The following CNKSR2 variants were observed in gnomAD, a reference collection of about 807,000 sequenced individuals.
The protein encoded by CNKSR2 is connector enhancer of kinase suppressor of Ras 2.
In CNKSR2, 14 loss-of-function variants were observed where a neutral mutation model predicts 84.4. The ratio of observed to expected loss-of-function variants is 0.17; its 90% confidence interval spans 0.11 to 0.26. CNKSR2 has a LOEUF of 0.26. Ranked by LOEUF, CNKSR2 falls within the 10% of genes least tolerant of loss-of-function variation. The probability of loss-of-function intolerance (pLI) is 1.00; values close to 1 mark genes in which losing one functional copy is unlikely to be tolerated. For missense variants in CNKSR2, 485 were observed against 771.2 expected, an observed-to-expected ratio of 0.63 and a Z score of 4.40; for synonymous variants, 275 against 277.9, an observed-to-expected ratio of 0.99 and a Z score of 0.10.
In CNKSR2 at chrX:21,601,808, A is replaced by G. The variant is rs191242923; in HGVS notation, c.2044+459A>G. ...CTGTGTAACTCTGTGATCTTATGGAATTTGCCTTGGTATTGACCTCAGATT... is the reference window on the plus strand; with the variant it reads ...CTGTGTAACTCTGTGATCTTATGGAGTTTGCCTTGGTATTGACCTCAGATT... On this transcript the variant is annotated intron_variant, in intron 18 of 21. Transcript: ENST00000379510. Among the ~76,000 whole-genome samples the G allele has an allele frequency of 1.2e-4, 13 of 111,918 alleles. No individual in the cohort carries two copies. The Admixed American group carries it at 1.2e-3, about 11-fold the overall frequency.
chrX:21,404,315 G>A (rs746670817), intron 1 of CNKSR2, among the ~76,000 whole-genome samples: 3 of 111,137 alleles, frequency 2.7e-5, no homozygotes, highest in East Asian at 5.7e-4. Context: ...TTAACAGGAC[G>A]ATATTTAAAA....
intron 13 of CNKSR2, among the ~76,000 whole-genome samples, chrX:21,579,905 A>T (rs1601975923): frequency 8.9e-6 from 1 of 111,867 alleles, no homozygotes; most frequent in East Asian, 2.8e-4. Flanking sequence ...GCCCTCCAGA[A>T]ATTTAATTTT....
At chrX:21,423,839 G>T (rs1022655794) in intron 1 of CNKSR2, 5 of 110,530 alleles carry the variant, frequency 4.5e-5, no homozygotes, top group Non-Finnish European at 1.9e-5. Flanking sequence ...TTTTCTGGTA[G>T]GTCTAGAAGA....
chrX:21,498,405 A>T (rs1327372679), intron 7 of CNKSR2, among the ~76,000 whole-genome samples: 1 of 111,507 alleles, frequency 9.0e-6, no homozygotes, highest in South Asian at 3.8e-4. Context: ...TTAATAAGAG[A>T]TTCTATTTTA....
chrX:21,539,601 T>G (rs2091959250), intron 11 of CNKSR2, among the ~76,000 whole-genome samples: 1 of 111,353 alleles, frequency 9.0e-6, no homozygotes, highest in South Asian at 3.7e-4. Flanking sequence ...CATTGATATC[T>G]GTGCATCTGG....
intron 9 of CNKSR2, among the ~76,000 whole-genome samples, chrX:21,524,107 G>C (rs916250325): frequency 9.1e-6 from 1 of 110,210 alleles, no homozygotes; most frequent in Admixed American, 9.7e-5. Context: ...TTGTTAAAAA[G>C]AGCACAGTTA....
rs1255465862 is a variant in CNKSR2, at chrX:21,374,583, G to T, written c.-315G>T. On this transcript the variant is annotated 5_prime_UTR_variant, in exon 1 of 22. Transcript: ENST00000379510. ...GCTCCCTAGGGACGGAGACCGGAGC[G>T]GAGCGGCGGAGGCAGCAGCAGCAGC... The T allele has an allele frequency of 1.0e-5, 5 of 492,216 alleles. No individual in the cohort carries two copies. The highest frequency in any genetic ancestry group is 1.8e-5 in the Non-Finnish European group (5 of 281,993). The allele number at this position is 492,216 out of a possible 1,213,427, so 40.6% of individuals were successfully genotyped here.
At chrX:21,595,289 A>T in intron 16 of CNKSR2, 35 bp from the exon 17 acceptor site, 6 of 1,061,067 alleles carry the variant, frequency 5.7e-6, no homozygotes, top group Non-Finnish European at 6.5e-6. Context: ...CTTATTTCCC[A>T]ATTTGTAATA....
intron 1 of CNKSR2, among the ~76,000 whole-genome samples, chrX:21,418,384 G>A (rs767078502): frequency 1.8e-5 from 2 of 111,761 alleles, no homozygotes; most frequent in East Asian, 5.6e-4. Context: ...ACTATTGCCA[G>A]TAAGTTTTTT....
intron 20 of CNKSR2, among the ~76,000 whole-genome samples, chrX:21,647,738 T>G (rs778129587): frequency 2.7e-5 from 3 of 112,096 alleles, no homozygotes; most frequent in African/African-American, 6.5e-5. Flanking sequence ...ATGGTATCAT[T>G]ACCAATTAAG....
In CNKSR2 at chrX:21,374,495, C is replaced by T. The variant is rs774055226; in HGVS notation, c.-403C>T. On this transcript the variant is annotated 5_prime_UTR_variant, in exon 1 of 22. Transcript: ENST00000379510. ...GGCGAGCGGGCAAGTTGGCTGAGGG[C>T]GTGCGGCAGAGGCTGCTTCCCTCGG... 7 of 377,469 alleles carry T rather than the reference C, an allele frequency of 1.9e-5. No individual in the cohort carries two copies. The highest frequency in any genetic ancestry group is 1.3e-4 in the South Asian group (4 of 30,098). 31.1% of individuals were successfully genotyped at this position (377,469 alleles called of 1,213,427 possible).
chrX:21,561,825 TGGAACACAA>T (rs1160974757), intron 12 of CNKSR2, among the ~76,000 whole-genome samples: 1 of 110,738 alleles, frequency 9.0e-6, no homozygotes, highest in Non-Finnish European at 1.9e-5. Context: ...AGGTAATATT[TGGAACACAA>T]GGTCAGGAGT....
chrX:21,640,917 C>T (rs1212355426), intron 20 of CNKSR2, among the ~76,000 whole-genome samples: 1 of 112,090 alleles, frequency 8.9e-6, no homozygotes, highest in East Asian at 2.8e-4. Context: ...ACCCTTTCAT[C>T]ACATTCACTC....
At chrX:21,420,492 C>T (rs749746413) in intron 1 of CNKSR2, among the ~76,000 whole-genome samples, 2 of 111,910 alleles carry the variant, frequency 1.8e-5, no homozygotes, top group Admixed American at 9.4e-5. Context: ...CGTAGTCAAC[C>T]GCAGCTCCAG....
intron 9 of CNKSR2, among the ~76,000 whole-genome samples, chrX:21,517,110 C>T (rs2091734725): frequency 9.0e-6 from 1 of 111,180 alleles, no homozygotes; most frequent in Admixed American, 9.6e-5. Context: ...CCAAACTAGG[C>T]GCAGTGGCTC....
intron 1 of CNKSR2, among the ~76,000 whole-genome samples, chrX:21,416,096 A>C (rs2090418414): frequency 9.0e-6 from 1 of 111,184 alleles, no homozygotes; most frequent in African/African-American, 3.3e-5. Flanking sequence ...TATGGCATTT[A>C]TTATGTTAAG....
intron 9 of CNKSR2, among the ~76,000 whole-genome samples, chrX:21,522,303 GT>G (rs2091792522): frequency 9.0e-6 from 1 of 110,964 alleles, no homozygotes; most frequent in South Asian, 3.7e-4. Flanking sequence ...GTAATTATTT[GT>G]ATTTCAGTGG....
chrX:21,631,875 T>A (rs2092649615), intron 20 of CNKSR2, among the ~76,000 whole-genome samples: 1 of 112,109 alleles, frequency 8.9e-6, no homozygotes, highest in Admixed American at 9.5e-5. Context: ...CGAGCTAACA[T>A]GCTAAATTGG....
intron 11 of CNKSR2, among the ~76,000 whole-genome samples, chrX:21,550,133 C>T (rs1388891595): frequency 8.9e-6 from 1 of 111,850 alleles, no homozygotes; most frequent in African/African-American, 3.3e-5. Context: ...GAACAGTCAA[C>T]CTACAGAATG....
Sources: gnomAD v4.1 joint callset for allele counts (sites outside exome capture counted in the v4.1 genomes callset) on GRCh38, gnomAD v4.1.1 for gene constraint, MANE v1.5 for transcripts, NCBI Gene and HGNC (gene_info 2026-07-23, HGNC 2026-07-21) for gene names.